The following SLC6A6 variants were observed in gnomAD, a reference collection of about 807,000 sequenced individuals.
SLC6A6 encodes the protein solute carrier family 6 member 6, also known as sodium- and chloride-dependent taurine transporter.
Under a neutral mutation model 68.8 loss-of-function variants are expected in SLC6A6, and 16 were observed. That is an observed-to-expected ratio of 0.23 (90% CI 0.16 to 0.35). The LOEUF (loss-of-function observed/expected upper bound fraction) is 0.35. Among genes scored for constraint, SLC6A6 ranks in the 10% least tolerant of loss-of-function variants. The pLI is 1.00. For missense variants in SLC6A6, 474 were observed against 802.8 expected, an observed-to-expected ratio of 0.59 and a Z score of 4.95; for synonymous variants, 312 against 315.4, an observed-to-expected ratio of 0.99 and a Z score of 0.12.
intron 2 of SLC6A6, among the ~76,000 whole-genome samples, chr3:14,427,020 C>G (rs1699615149): frequency 6.7e-6 from 1 of 149,990 alleles, no homozygotes; most frequent in Non-Finnish European, 1.5e-5. Flanking sequence ...AACACAGCCT[C>G]CCAGCACCCT....
intron 4 of SLC6A6, among the ~76,000 whole-genome samples, chr3:14,447,175 C>A (rs1001827123): frequency 6.6e-6 from 1 of 152,156 alleles, no homozygotes; most frequent in Admixed American, 6.5e-5. Context: ...AATCATCCAA[C>A]TATCCATCTG....
intron 6 of SLC6A6, among the ~76,000 whole-genome samples, chr3:14,466,281 A>AAAAAAAAG (rs1559308984): frequency 6.7e-6 from 1 of 150,114 alleles, no homozygotes; most frequent in African/African-American, 2.5e-5. Context: ...AAAAAAAAAA[A>AAAAAAAAG]AAAAAAAGAA....
chr3:14,468,008 G>GT lies in SLC6A6; in HGVS notation c.971+55dup, dbSNP rs1211345397. On this transcript the variant is annotated intron_variant, in intron 8 of 14. Coordinates refer to ENST00000622186, the MANE Select transcript of SLC6A6 (RefSeq NM_003043.6). This position sits in a 1 kb window ranked among gnomAD's most constrained non-coding sequence, Gnocchi z 4.5. ...GGACTTTAGAAATGATGATGATGAT[G>GT]TTTAAAGAAAAAGAGAAGTAGGGAG... is the stretch of plus-strand genomic sequence containing the variant. 1 of 1,608,898 alleles carries GT rather than the reference G, an allele frequency of 6.2e-7. No individual in the cohort carries two copies. The highest frequency in any genetic ancestry group is 8.5e-7 in the Non-Finnish European group (1 of 1,175,770).
rs3773184 is a variant in SLC6A6 at position 14,452,855 on chromosome 3, G to A, written c.599+5039G>A. Reference sequence around the variant, plus strand: ...CTGGGGTCACCTCTGTCCCAAGGTCGCCCTGGAGGACAGGCGGGGCCAGAC... The same window carrying A: ...CTGGGGTCACCTCTGTCCCAAGGTCACCCTGGAGGACAGGCGGGGCCAGAC... On this transcript the variant is annotated intron_variant, in intron 5 of 14. Coordinates refer to ENST00000622186, the MANE Select transcript of SLC6A6 (RefSeq NM_003043.6). 6.6e-5 allele frequency among the ~76,000 whole-genome samples: 10 copies of A among 152,240 alleles called. No homozygotes were observed. The East Asian group carries it at 9.6e-4, about 15-fold the overall frequency.
intron 1 of SLC6A6, among the ~76,000 whole-genome samples, chr3:14,412,301 A>G (rs375701251): frequency 6.6e-6 from 1 of 152,218 alleles, no homozygotes; most frequent in African/African-American, 2.4e-5. Context: ...CTTTTAGTAA[A>G]GAACGTTGCC....
At chr3:14,447,452 T>TG in intron 4 of SLC6A6, 130 bp from the exon 5 acceptor site, 3 of 1,058,788 alleles carry the variant, frequency 2.8e-6, no homozygotes, top group Non-Finnish European at 4.2e-6. Flanking sequence ...TATAAATATT[T>TG]GGTGGTCACT....
chr3:14,439,929 C>T (rs936392166), intron 2 of SLC6A6, among the ~76,000 whole-genome samples: 19 of 152,288 alleles, frequency 1.2e-4, no homozygotes, highest in African/African-American at 3.6e-4. Context: ...TTACTCCCAG[C>T]GGAGTGACCT....
intron 1 of SLC6A6, among the ~76,000 whole-genome samples, chr3:14,405,530 TG>T (rs1699087566): frequency 6.6e-6 from 1 of 152,220 alleles, no homozygotes; most frequent in Admixed American, 6.5e-5. Flanking sequence ...GGGGTCTGCC[TG>T]GGAATTGGGG....
At chr3:14,479,975 G>A (rs1700970916) in intron 13 of SLC6A6, among the ~76,000 whole-genome samples, 1 of 152,192 alleles carries the variant, frequency 6.6e-6, no homozygotes, top group Non-Finnish European at 1.5e-5. Flanking sequence ...TTGGATTTAG[G>A]AGACAGGTGC....
Position 14,481,553 on chromosome 3 carries a change from C to G in SLC6A6, c.1552-118C>G, listed in dbSNP as rs1701007131. ...AGCAGAGAGGGGTGTGAGTTCTGAG[C>G]CAGTCCTTTCCCAAGGAGAGAGACC... On this transcript the variant is annotated intron_variant, in intron 13 of 14. Transcript: ENST00000622186. The surrounding 1 kb of genome is among the most constrained non-coding windows in gnomAD (Gnocchi z 4.7). 1.4e-6 allele frequency: 1 copy of G among 699,512 alleles called. No individual in the cohort carries two copies. Among genetic ancestry groups the G allele is most frequent in the Middle Eastern group, 2.7e-4 (1 of 3,730 alleles). 43.3% of individuals were successfully genotyped at this position (699,512 alleles called of 1,614,324 possible).
intron 2 of SLC6A6, among the ~76,000 whole-genome samples, chr3:14,431,835 G>C (rs1317043054): frequency 6.6e-6 from 1 of 152,142 alleles, no homozygotes; most frequent in Non-Finnish European, 1.5e-5. Context: ...GTACATCCTC[G>C]TCAGGGGGAA....
At chr3:14,466,992 AG>A (rs949770308) in intron 7 of SLC6A6, among the ~76,000 whole-genome samples, 2 of 152,202 alleles carry the variant, frequency 1.3e-5, no homozygotes, top group African/African-American at 4.8e-5. Context: ...TGCAGCCACA[AG>A]GGCTGCTGCA....
At chr3:14,479,413 T>C (rs1002980049) in intron 13 of SLC6A6, among the ~76,000 whole-genome samples, 2 of 152,188 alleles carry the variant, frequency 1.3e-5, no homozygotes, top group African/African-American at 4.8e-5. Flanking sequence ...AGAAGGGCAT[T>C]TCTGGCAGAG....
At position 14,472,489 on chromosome 3, in the gene SLC6A6, G is replaced by A. The variant is rs1010138715; in HGVS notation, c.1209+172G>A. Among the ~76,000 whole-genome samples the A allele has an allele frequency of 3.3e-5, 5 of 152,156 alleles. No homozygotes were observed. The highest frequency in any genetic ancestry group is 1.9e-4 in the East Asian group (1 of 5,194). Reference sequence around the variant, plus strand: ...ACACCAGGAATAGAAAAAGCTCTGCGTCCCCAGAAAGTGCATTTGAACAAG... The same window carrying A: ...ACACCAGGAATAGAAAAAGCTCTGCATCCCCAGAAAGTGCATTTGAACAAG... On this transcript the variant is annotated intron_variant, in intron 10 of 14. Transcript: ENST00000622186. The surrounding 1 kb of genome is among the most constrained non-coding windows in gnomAD (Gnocchi z 4.5).
chr3:14,475,488 TGC>T lies in SLC6A6; in HGVS notation c.1210-1716_1210-1715del, dbSNP rs1700855531. Among the ~76,000 whole-genome samples, 5 of 152,338 alleles carry T rather than the reference TGC, an allele frequency of 3.3e-5. No individual in the cohort carries two copies. In the South Asian group the frequency reaches 1.0e-3, roughly 32 times the overall value. On this transcript the variant is annotated intron_variant, in intron 10 of 14. Transcript: ENST00000622186. ...AATTTCAAATCTTTCTCAACATCCC[TGC>T]CAAGTGGACAAGATCCTCCCATTTC...
Position 14,481,950 on chromosome 3 carries a change from T to A in SLC6A6, c.1722+109T>A, listed in dbSNP as rs969291811. On this transcript the variant is annotated intron_variant, in intron 14 of 14. Coordinates refer to ENST00000622186, the MANE Select transcript of SLC6A6 (RefSeq NM_003043.6). This position sits in a 1 kb window ranked among gnomAD's most constrained non-coding sequence, Gnocchi z 4.7. ...CAAGTCACCTGCCCTCTCTGAGCCA[T>A]AGTTCCCTCACCCATCCAGTGGTTC... 1.4e-5 allele frequency: 12 copies of A among 870,242 alleles called. No individual in the cohort carries two copies. Among genetic ancestry groups the A allele is most frequent in the Non-Finnish European group, 2.0e-5 (11 of 554,764 alleles). 53.9% of individuals were successfully genotyped at this position (870,242 alleles called of 1,614,324 possible). A position where few individuals can be genotyped will look rare whatever the true frequency, so the allele number is the denominator to read the frequency against.
At position 14,472,911 on chromosome 3, in the gene SLC6A6, G is replaced by A. The variant is rs1700786864; in HGVS notation, c.1209+594G>A. Among the ~76,000 whole-genome samples the A allele has an allele frequency of 6.6e-6, 1 of 152,212 alleles. No homozygotes were observed. Among genetic ancestry groups the A allele is most frequent in the Admixed American group, 6.5e-5 (1 of 15,284 alleles). On this transcript the variant is annotated intron_variant, in intron 10 of 14. Coordinates refer to ENST00000622186, the MANE Select transcript of SLC6A6 (RefSeq NM_003043.6). This position sits in a 1 kb window ranked among gnomAD's most constrained non-coding sequence, Gnocchi z 4.5. ...CGTGCTTTATACACCGCACAGGCCG[G>A]GAGCCTCGCTCAAACCCGCCCTGAC...
chr3:14,410,544 G>A (rs1699229677), intron 1 of SLC6A6, among the ~76,000 whole-genome samples: 1 of 152,210 alleles, frequency 6.6e-6, no homozygotes, highest in Admixed American at 6.5e-5. Flanking sequence ...GTAGGGAGAG[G>A]GCTGGTGGTC....
intron 10 of SLC6A6, among the ~76,000 whole-genome samples, chr3:14,474,494 G>T (rs995051659): frequency 6.6e-6 from 1 of 152,142 alleles, no homozygotes; most frequent in Non-Finnish European, 1.5e-5. Flanking sequence ...TTCCCAAATG[G>T]AGCCTCTGTC....
Sources: gnomAD v4.1 joint callset for allele counts (sites outside exome capture counted in the v4.1 genomes callset) on GRCh38, gnomAD v4.1.1 for gene constraint, Gnocchi (gnomAD v3.1) non-coding constraint, MANE v1.5 for transcripts, NCBI Gene and HGNC (gene_info 2026-07-23, HGNC 2026-07-21) for gene names.